The following BLOC1S5 variants were observed in gnomAD, a reference collection of about 807,000 sequenced individuals.
BLOC1S5 encodes biogenesis of lysosomal organelles complex 1 subunit 5.
In BLOC1S5, 27 loss-of-function variants were observed where a neutral mutation model predicts 24.3. That is an observed-to-expected ratio of 1.11 (90% CI 0.82 to 1.53). The LOEUF is 1.53. BLOC1S5 is among the 40% of genes most tolerant of loss of function. The probability of loss-of-function intolerance (pLI) is 0.00; values close to 1 mark genes in which losing one functional copy is unlikely to be tolerated. For missense variants in BLOC1S5, 239 were observed against 229.4 expected (o/e 1.04, Z -0.27); for synonymous variants, 84 against 74.5 (o/e 1.13, Z -0.66).
chr6:8,020,386 T>C (rs1762878161), intron 4 of BLOC1S5, among the ~76,000 whole-genome samples: 1 of 152,214 alleles, frequency 6.6e-6, no homozygotes, highest in Non-Finnish European at 1.5e-5. Context: ...AATACCACTT[T>C]CTAAGGCAAA....
intron 2 of BLOC1S5, among the ~76,000 whole-genome samples, chr6:8,050,862 C>T (rs923945383): frequency 6.6e-6 from 1 of 152,006 alleles, no homozygotes; most frequent in Non-Finnish European, 1.5e-5. Flanking sequence ...GCCTCGGCCT[C>T]CCAAAGTGCT....
chr6:8,062,781 C>G (rs1207190509), intron 1 of BLOC1S5, among the ~76,000 whole-genome samples, 165 bp from the exon 2 acceptor site: 2 of 152,208 alleles, frequency 1.3e-5, no homozygotes, highest in Non-Finnish European at 2.9e-5. Flanking sequence ...TACACTGATA[C>G]AACTACTTTT....
chr6:8,018,756 T>A (rs1384896585), intron 4 of BLOC1S5, among the ~76,000 whole-genome samples: 6 of 152,202 alleles, frequency 3.9e-5, no homozygotes, highest in African/African-American at 1.4e-4. Flanking sequence ...AGGTAAATAT[T>A]ATACAAATCA....
chr6:8,063,821 G>T (rs1274708551), intron 1 of BLOC1S5, among the ~76,000 whole-genome samples: 1 of 152,140 alleles, frequency 6.6e-6, no homozygotes, highest in Non-Finnish European at 1.5e-5. Flanking sequence ...GAGCGCCTTC[G>T]TAAGTGTATC....
In BLOC1S5 at chr6:8,064,299, C is replaced by T. The variant is rs772260933; in HGVS notation, c.78G>A (p.Leu26=). 3 of 1,613,860 alleles carry T rather than the reference C, an allele frequency of 1.9e-6. No homozygotes were observed. The highest frequency in any genetic ancestry group is 1.7e-6 in the Non-Finnish European group (2 of 1,179,878). ...TGAGGTGCGCTGAGCCCGCAGTCCC[C>T]AGGGAGTCCCTCTTCTTGCTGCCAC... ...PGGGSKKRDS[L]GTAGSAHLII... The change falls in exon 1 of 5, where the codon CTG becomes CTA. Residue 26 remains leucine, a synonymous_variant. Transcript: ENST00000397457.
chr6:8,015,462 GA>G lies in BLOC1S5; in HGVS notation c.*186del. 1 of 566,760 alleles carries G rather than the reference GA, an allele frequency of 1.8e-6. No homozygotes were observed. The highest frequency in any genetic ancestry group is 3.0e-5 in the East Asian group (1 of 33,528). 35.1% of individuals were successfully genotyped at this position (566,760 alleles called of 1,614,324 possible). On this transcript the variant is annotated 3_prime_UTR_variant, in exon 5 of 5. Coordinates refer to ENST00000397457, the MANE Select transcript of BLOC1S5 (RefSeq NM_201280.3). ...AATCATATATAGGCACTTAAAGCTG[GA>G]AAAATGTGGCACCCTTCTTTAAATA...
At chr6:8,052,259 G>T (rs12526626) in intron 2 of BLOC1S5, among the ~76,000 whole-genome samples, 23,794 of 151,972 alleles carry the variant, frequency 0.16, 1,940 homozygotes, top group Admixed American at 0.19. Context: ...GAGCCACCGC[G>T]CCCGAGGTAC....
intron 2 of BLOC1S5, among the ~76,000 whole-genome samples, chr6:8,042,634 AT>A (rs145983811): frequency 1.3e-5 from 2 of 151,776 alleles, no homozygotes; most frequent in Non-Finnish European, 2.9e-5. Flanking sequence ...TTTTTTTGTG[AT>A]TTTTTTTCTT....
intron 2 of BLOC1S5, among the ~76,000 whole-genome samples, chr6:8,047,948 C>T (rs1249289331): frequency 6.6e-6 from 1 of 152,208 alleles, no homozygotes; most frequent in African/African-American, 2.4e-5. Flanking sequence ...CAAGACAGAA[C>T]ACTTGATTCT....
intron 2 of BLOC1S5, among the ~76,000 whole-genome samples, chr6:8,043,568 C>T (rs1763766976): frequency 6.6e-6 from 1 of 152,090 alleles, no homozygotes; most frequent in Non-Finnish European, 1.5e-5. Context: ...AGACCAAAGA[C>T]TAAGGTGGCA....
At chr6:8,028,422 G>T (rs79802142) in intron 3 of BLOC1S5, among the ~76,000 whole-genome samples, 5,850 of 150,428 alleles carry the variant, frequency 0.039, 355 homozygotes, top group African/African-American at 0.13. Context: ...ATATTAACAT[G>T]ACATCATCTT....
At chr6:8,058,233 T>C (rs908200060) in intron 2 of BLOC1S5, among the ~76,000 whole-genome samples, 3 of 151,894 alleles carry the variant, frequency 2.0e-5, no homozygotes, top group African/African-American at 7.2e-5. Context: ...AAAAGCCACC[T>C]TGTAGGCCGA....
At chr6:8,023,484 G>A (rs527679609) in intron 4 of BLOC1S5, among the ~76,000 whole-genome samples, 116 of 152,140 alleles carry the variant, frequency 7.6e-4, no homozygotes, top group African/African-American at 2.8e-3. Flanking sequence ...CAGCTACTTA[G>A]GAGGCTGAGG....
intron 2 of BLOC1S5, 68 bp from the exon 3 acceptor site, chr6:8,041,336 G>C: frequency 1.7e-6 from 1 of 604,700 alleles, no homozygotes; most frequent in Non-Finnish European, 2.3e-6. Flanking sequence ...TTTTTGAAAT[G>C]GAGTCTCGCT....
chr6:8,056,049 TTC>T (rs1764292434), intron 2 of BLOC1S5, among the ~76,000 whole-genome samples: 4 of 152,132 alleles, frequency 2.6e-5, no homozygotes, highest in Admixed American at 2.6e-4. Flanking sequence ...CCCCTTCTCT[TTC>T]TCTCTTAACT....
chr6:8,054,656 A>G (rs558784042), intron 2 of BLOC1S5, among the ~76,000 whole-genome samples: 11 of 152,368 alleles, frequency 7.2e-5, no homozygotes, highest in African/African-American at 2.4e-4. Flanking sequence ...TGAAGGACTT[A>G]GCCATTTTGT....
chr6:8,043,889 T>G (rs1763779483), intron 2 of BLOC1S5, among the ~76,000 whole-genome samples: 1 of 152,170 alleles, frequency 6.6e-6, no homozygotes, highest in Non-Finnish European at 1.5e-5. Context: ...GGCCCGTCTT[T>G]CCCATACTAT....
intron 2 of BLOC1S5, among the ~76,000 whole-genome samples, chr6:8,057,091 T>A (rs1472233409): frequency 1.3e-5 from 2 of 152,128 alleles, no homozygotes; most frequent in Non-Finnish European, 2.9e-5. Context: ...TGGTGGTATA[T>A]GCCTGTAATC....
chr6:8,043,747 A>G (rs1455357936), intron 2 of BLOC1S5, among the ~76,000 whole-genome samples: 3 of 152,238 alleles, frequency 2.0e-5, no homozygotes, highest in Non-Finnish European at 4.4e-5. Flanking sequence ...AAGAAATAAA[A>G]TAATGAAAGA....
Sources: gnomAD v4.1 joint callset for allele counts (sites outside exome capture counted in the v4.1 genomes callset) on GRCh38, gnomAD v4.1.1 for gene constraint, MANE v1.5 for transcripts, NCBI Gene and HGNC (gene_info 2026-07-23, HGNC 2026-07-21) for gene names.